The following TNFRSF19 variants were observed in gnomAD, a reference collection of about 807,000 sequenced individuals.
The protein encoded by TNFRSF19 is TNF receptor superfamily member 19.
Under a neutral mutation model 46.4 loss-of-function variants are expected in TNFRSF19, and 27 were observed. That is an observed-to-expected ratio of 0.58 (90% CI 0.43 to 0.80). The LOEUF is 0.80. Ranked by LOEUF, TNFRSF19 falls within the 30% of genes least tolerant of loss-of-function variation. The pLI is 0.00. For missense variants in TNFRSF19, 511 were observed against 530.8 expected (o/e 0.96, Z 0.37); for synonymous variants, 204 against 205.0 (o/e 1.00, Z 0.04).
chr13:23,625,333 T>TC (rs1357631900), intron 4 of TNFRSF19, among the ~76,000 whole-genome samples: 2 of 146,896 alleles, frequency 1.4e-5, no homozygotes, highest in Non-Finnish European at 3.0e-5. Context: ...ATTCTTTTTT[T>TC]TTTTTTTTTT....
At chr13:23,609,737 A>G (rs944721009) in intron 3 of TNFRSF19, among the ~76,000 whole-genome samples, 3 of 152,224 alleles carry the variant, frequency 2.0e-5, no homozygotes, top group African/African-American at 4.8e-5. Context: ...AGATGTTTAC[A>G]TTTTTGAAAA....
At chr13:23,655,466 T>A (rs564708015) in intron 5 of TNFRSF19, among the ~76,000 whole-genome samples, 1 of 152,370 alleles carries the variant, frequency 6.6e-6, no homozygotes, top group South Asian at 2.1e-4. Flanking sequence ...ACCTTCCTAT[T>A]TCCACTTCTT....
At chr13:23,617,825 A>C (rs1881405839) in intron 4 of TNFRSF19, among the ~76,000 whole-genome samples, 1 of 152,212 alleles carries the variant, frequency 6.6e-6, no homozygotes, top group African/African-American at 2.4e-5. Context: ...AAGATCACCT[A>C]ACCTGTGTGT....
rs558447197 is a variant in TNFRSF19, at chr13:23,601,847, G to A, written c.180+8392G>A. On this transcript the variant is annotated intron_variant, in intron 3 of 9. Transcript: ENST00000248484. ...GTATAGTGCAACCTCTAGGGCAACCGTTAAAACAAGTATAAAAAGAAGTAT... is the reference window on the plus strand; with the variant it reads ...GTATAGTGCAACCTCTAGGGCAACCATTAAAACAAGTATAAAAAGAAGTAT... Among the ~76,000 whole-genome samples, 79 of 152,206 alleles carry A rather than the reference G, an allele frequency of 5.2e-4. 1 individual carries two copies. In the South Asian group the frequency reaches 0.013, roughly 26 times the overall value.
intron 4 of TNFRSF19, among the ~76,000 whole-genome samples, chr13:23,625,034 G>C (rs1022573785): frequency 6.6e-6 from 1 of 152,146 alleles, no homozygotes; most frequent in African/African-American, 2.4e-5. Flanking sequence ...TTACAGGCGT[G>C]AGTCACTGCG....
intron 3 of TNFRSF19, among the ~76,000 whole-genome samples, chr13:23,601,288 G>GA (rs1295894122): frequency 6.6e-6 from 1 of 152,142 alleles, no homozygotes; most frequent in African/African-American, 2.4e-5. Context: ...AGATAAGAAT[G>GA]ACATCTGACT....
intron 5 of TNFRSF19, among the ~76,000 whole-genome samples, chr13:23,637,168 C>T (rs1238677941): frequency 6.6e-6 from 1 of 152,114 alleles, no homozygotes; most frequent in African/African-American, 2.4e-5. Context: ...CCGGGGGACA[C>T]AGATGAAGGC....
chr13:23,650,555 C>T (rs543547407), intron 5 of TNFRSF19, among the ~76,000 whole-genome samples: 1 of 152,066 alleles, frequency 6.6e-6, no homozygotes, highest in Non-Finnish European at 1.5e-5. Context: ...TCCATAGAGA[C>T]AGAAAACAGA....
chr13:23,571,419 T>C (rs1877625128), intron 1 of TNFRSF19, among the ~76,000 whole-genome samples: 1 of 152,210 alleles, frequency 6.6e-6, no homozygotes, highest in Non-Finnish European at 1.5e-5. Flanking sequence ...AAGACTTTTA[T>C]GTGTAAAACT....
intron 1 of TNFRSF19, among the ~76,000 whole-genome samples, chr13:23,577,104 C>A (rs768174172): frequency 2.0e-5 from 3 of 152,190 alleles, no homozygotes; most frequent in South Asian, 4.1e-4. Context: ...TATGGAGAAC[C>A]AGAAACTTAG....
chr13:23,606,071 C>G (rs567019461), intron 3 of TNFRSF19, among the ~76,000 whole-genome samples: 1 of 152,256 alleles, frequency 6.6e-6, no homozygotes, highest in East Asian at 1.9e-4. Flanking sequence ...AGGACTATCT[C>G]TCTACCTTCC....
At chr13:23,660,342 C>T in intron 6 of TNFRSF19, 23 bp from the exon 7 acceptor site, 1 of 1,606,804 alleles carries the variant, frequency 6.2e-7, no homozygotes. Flanking sequence ...TGTTCCCTGA[C>T]AGAGTTCTCA....
At chr13:23,629,243 G>A (rs1248876640) in intron 5 of TNFRSF19, among the ~76,000 whole-genome samples, 1 of 152,190 alleles carries the variant, frequency 6.6e-6, no homozygotes, top group African/African-American at 2.4e-5. Context: ...GACATGCCTG[G>A]TAGTGGGAGA....
intron 5 of TNFRSF19, among the ~76,000 whole-genome samples, chr13:23,657,012 G>A (rs945490788): frequency 6.6e-6 from 1 of 152,016 alleles, no homozygotes; most frequent in African/African-American, 2.4e-5. Flanking sequence ...AGTGTGTGCC[G>A]TTTGCTTATT....
chr13:23,626,065 C>G (rs140067781), intron 4 of TNFRSF19, among the ~76,000 whole-genome samples: 2 of 151,898 alleles, frequency 1.3e-5, no homozygotes, highest in Non-Finnish European at 2.9e-5. Context: ...TAAGTTTTAC[C>G]TTATAGACTG....
At chr13:23,599,830 G>GC (rs929568361) in intron 3 of TNFRSF19, among the ~76,000 whole-genome samples, 2 of 151,748 alleles carry the variant, frequency 1.3e-5, no homozygotes, top group African/African-American at 4.8e-5. Flanking sequence ...CATGTCTGGC[G>GC]CCCCCTTTCC....
intron 7 of TNFRSF19, among the ~76,000 whole-genome samples, chr13:23,665,576 A>C (rs906703108): frequency 7.4e-5 from 3 of 40,790 alleles, no homozygotes; most frequent in African/African-American, 2.0e-4. Context: ...GATTCCCCAA[A>C]TATTAACGTT....
intron 5 of TNFRSF19, among the ~76,000 whole-genome samples, chr13:23,653,104 G>A (rs908290932): frequency 2.6e-5 from 4 of 152,218 alleles, no homozygotes; most frequent in African/African-American, 9.6e-5. Flanking sequence ...CCTGTGCTAA[G>A]CCAGCCTTAG....
At chr13:23,662,418 G>A (rs773945512) in intron 7 of TNFRSF19, among the ~76,000 whole-genome samples, 1 of 152,156 alleles carries the variant, frequency 6.6e-6, no homozygotes, top group Non-Finnish European at 1.5e-5. Context: ...ATGCTGTTTT[G>A]GTTACTGTGG....
Sources: allele counts gnomAD v4.1 joint callset (sites outside exome capture counted in the v4.1 genomes callset), GRCh38; gene constraint gnomAD v4.1.1; transcripts MANE v1.5; gene names NCBI Gene and HGNC (gene_info 2026-07-23, HGNC 2026-07-21).